SUMO2: variants seen among roughly 807,000 people sequenced by gnomAD.
SUMO2 encodes the protein small ubiquitin like modifier 2.
A neutral mutation model predicts 16.0 loss-of-function variants in SUMO2; 1 was observed. That is an observed-to-expected ratio of 0.06 (90% CI 0.02 to 0.30). The LOEUF (loss-of-function observed/expected upper bound fraction) is 0.30. Among genes scored for constraint, SUMO2 ranks in the 10% least tolerant of loss-of-function variants. The probability of loss-of-function intolerance (pLI) is 1.00; values close to 1 mark genes in which losing one functional copy is unlikely to be tolerated. For synonymous variants in SUMO2, 36 were observed against 40.6 expected, an observed-to-expected ratio of 0.89 and a Z score of 0.43; for missense variants, 16 against 117.5, an observed-to-expected ratio of 0.14 and a Z score of 3.99.
At position 75,182,843 on chromosome 17, in the gene SUMO2, C is replaced by T. The variant is rs762248413; in HGVS notation, c.-9G>A. 53 of 1,408,878 alleles carry T rather than the reference C, an allele frequency of 3.8e-5. No individual in the cohort carries two copies. The African/African-American group carries it at 7.4e-4, about 20-fold the overall frequency. 87.3% of individuals were successfully genotyped at this position (1,408,878 alleles called of 1,614,324 possible). On this transcript the variant is annotated 5_prime_UTR_variant, in exon 1 of 4. Transcript: ENST00000420826. ...GGCTTTTCGTCGGCCATGGCGAGCG[C>T]CGGAGTCTCCTCAGCTGCCGCTTCA...
At chr17:75,180,720 AAAT>A (rs2074822581) in intron 2 of SUMO2, among the ~76,000 whole-genome samples, 1 of 152,110 alleles carries the variant, frequency 6.6e-6, no homozygotes. Context: ...CAAAAAAATA[AAAT>A]AAAATAATAA....
chr17:75,169,919 C>A (rs1407592854), intron 3 of SUMO2, among the ~76,000 whole-genome samples: 2 of 150,948 alleles, frequency 1.3e-5, no homozygotes, highest in East Asian at 3.9e-4. Flanking sequence ...CTTTGGGAGG[C>A]CGAGGCAGGC....
At chr17:75,176,921 C>T (rs1195758470) in intron 2 of SUMO2, among the ~76,000 whole-genome samples, 2 of 151,978 alleles carry the variant, frequency 1.3e-5, no homozygotes, top group African/African-American at 2.4e-5. Context: ...TTGTGGCTCA[C>T]GCCTGTAATC....
At chr17:75,175,775 G>A (rs2074777890) in intron 2 of SUMO2, among the ~76,000 whole-genome samples, 1 of 151,926 alleles carries the variant, frequency 6.6e-6, no homozygotes, top group Non-Finnish European at 1.5e-5. Context: ...TGGGATTACA[G>A]GCGCTTGCCA....
At chr17:75,171,961 T>C (rs889396008) in intron 3 of SUMO2, among the ~76,000 whole-genome samples, 5 of 151,920 alleles carry the variant, frequency 3.3e-5, no homozygotes, top group Non-Finnish European at 5.9e-5. Flanking sequence ...ACCAGCCTCA[T>C]TTATCAATAG....
At chr17:75,168,538 TA>T (rs2145214529) in intron 3 of SUMO2, 137 bp from the exon 4 acceptor site, 2 of 688,664 alleles carry the variant, frequency 2.9e-6, no homozygotes, top group South Asian at 2.1e-5. Context: ...TCTCATAGCT[TA>T]ATGTATCAAC....
At chr17:75,169,453 A>G (rs2074718431) in intron 3 of SUMO2, among the ~76,000 whole-genome samples, 1 of 150,112 alleles carries the variant, frequency 6.7e-6, no homozygotes, top group African/African-American at 2.5e-5. Context: ...GCAGGATCTC[A>G]GCTCACTGCA....
intron 2 of SUMO2, among the ~76,000 whole-genome samples, chr17:75,176,239 C>T (rs1355960385): frequency 2.0e-5 from 3 of 152,114 alleles, no homozygotes; most frequent in Admixed American, 6.6e-5. Context: ...GGGGTTTCAC[C>T]GTGTTAGCCA....
chr17:75,178,284 A>G (rs899433026), intron 2 of SUMO2, among the ~76,000 whole-genome samples: 2 of 151,324 alleles, frequency 1.3e-5, no homozygotes, highest in African/African-American at 4.8e-5. Context: ...GGGAGGCCGA[A>G]GCAGGCGGAT....
intron 3 of SUMO2, among the ~76,000 whole-genome samples, chr17:75,172,446 A>G (rs973875053): frequency 6.8e-6 from 1 of 148,044 alleles, no homozygotes; most frequent in African/African-American, 2.5e-5. Flanking sequence ...CAGCCTCCTG[A>G]GTAGCTGGGA....
chr17:75,177,988 CAAAAAAAAAAAAA>C (rs59613076), intron 2 of SUMO2, among the ~76,000 whole-genome samples: 7 of 66,418 alleles, frequency 1.1e-4, no homozygotes, highest in Admixed American at 2.3e-4. Context: ...GACTCCGTCT[CAAAAAAAAAAAAA>C]AAAAAAAAAA....
chr17:75,181,012 T>A, intron 2 of SUMO2, 45 bp downstream of exon 2: 7 of 1,605,662 alleles, frequency 4.4e-6, no homozygotes, highest in Non-Finnish European at 6.0e-6. Context: ...ATAAGATTTT[T>A]AAAAATAGTT....
intron 3 of SUMO2, 114 bp from the exon 4 acceptor site, chr17:75,168,515 A>C: frequency 1.2e-6 from 1 of 811,566 alleles, no homozygotes; most frequent in Non-Finnish European, 1.9e-6. Context: ...TCCAAGTTTC[A>C]TTATTTTAGA....
At chr17:75,181,244 T>C in intron 1 of SUMO2, 56 bp from the exon 2 acceptor site, 1 of 1,587,142 alleles carries the variant, frequency 6.3e-7, no homozygotes. Flanking sequence ...GAACACGTTT[T>C]ATAAAGCAGC....
Position 75,174,743 on chromosome 17 carries a change from T to C in SUMO2, c.225+9A>G, listed in dbSNP as rs748197674. On this transcript the variant is annotated intron_variant, in intron 3 of 3. Coordinates refer to ENST00000420826, the MANE Select transcript of SUMO2 (RefSeq NM_006937.4). ...TGGTAATTTTTCTAATTAGGAGAGA[T>C]TTTTTTACCTGTGCAGGTGTGTCTG... 152 of 1,605,302 alleles carry C rather than the reference T, an allele frequency of 9.5e-5. No individual in the cohort carries two copies. The highest frequency in any genetic ancestry group is 1.2e-4 in the Non-Finnish European group (146 of 1,177,102).
intron 3 of SUMO2, among the ~76,000 whole-genome samples, chr17:75,174,385 C>T (rs1003807836): frequency 4.6e-5 from 7 of 151,508 alleles, no homozygotes; most frequent in African/African-American, 1.7e-4. Context: ...AGTGAGATTC[C>T]GTCACAAAAA....
At position 75,177,988 on chromosome 17, in the gene SUMO2, C is replaced by CAAAAAA. The variant is rs59613076; in HGVS notation, c.153+3063_153+3068dup. On this transcript the variant is annotated intron_variant, in intron 2 of 3. Transcript: ENST00000420826. The stretch of plus-strand genomic sequence containing the variant: ...TGACCGACAAAGCGAGACTCCGTCT[C>CAAAAAA]AAAAAAAAAAAAAAAAAAAAAAAGA... Among the ~76,000 whole-genome samples, 304 of 66,390 alleles carry CAAAAAA rather than the reference C, an allele frequency of 4.6e-3. 22 individuals carry two copies. The highest frequency in any genetic ancestry group is 0.018 in the African/African-American group (265 of 14,796). 43.6% of individuals were successfully genotyped at this position (66,390 alleles called of 152,430 possible).
intron 1 of SUMO2, 129 bp from the exon 2 acceptor site, chr17:75,181,317 G>T: frequency 1.1e-6 from 1 of 879,408 alleles, no homozygotes; most frequent in Non-Finnish European, 1.7e-6. Context: ...ACGGCATACT[G>T]CTGTTTTCAG....
intron 2 of SUMO2, among the ~76,000 whole-genome samples, chr17:75,180,454 T>C (rs2074820656): frequency 7.1e-6 from 1 of 141,736 alleles, no homozygotes; most frequent in Non-Finnish European, 1.5e-5. Flanking sequence ...GGCTCATGCT[T>C]GTAATCCCAG....
Sources: gnomAD v4.1 joint callset for allele counts (sites outside exome capture counted in the v4.1 genomes callset) on GRCh38, gnomAD v4.1.1 for gene constraint, MANE v1.5 for transcripts, NCBI Gene and HGNC (gene_info 2026-07-23, HGNC 2026-07-21) for gene names.